The following DYM variants were observed in gnomAD, a reference collection of about 807,000 sequenced individuals.
DYM encodes the protein dyggve-Melchior-Clausen syndrome protein.
DYM carries 78 observed loss-of-function variants against 93.1 expected under a neutral mutation model. That is an observed-to-expected ratio of 0.84 (90% CI 0.70 to 1.01). DYM has a LOEUF of 1.01. DYM is among the 50% of genes least tolerant of loss of function. The pLI is 0.00. For synonymous variants in DYM, 321 were observed against 319.7 expected (o/e 1.00, Z -0.04); for missense variants, 789 against 845.0 (o/e 0.93, Z 0.82).
chr18:49,135,134 C>T (rs146585162), intron 15 of DYM, among the ~76,000 whole-genome samples: 3 of 151,872 alleles, frequency 2.0e-5, no homozygotes, highest in Non-Finnish European at 4.4e-5. Flanking sequence ...ATAAAAAAAC[C>T]ACTTCTCTCC....
intron 15 of DYM, among the ~76,000 whole-genome samples, chr18:49,146,870 A>C (rs2085209698): frequency 6.6e-6 from 1 of 152,114 alleles, no homozygotes; most frequent in Non-Finnish European, 1.5e-5. Flanking sequence ...GGAACCAAAA[A>C]AGAGCCCGCA....
At chr18:49,457,655 T>C (rs1166078013) in intron 1 of DYM, among the ~76,000 whole-genome samples, 1 of 152,114 alleles carries the variant, frequency 6.6e-6, no homozygotes, top group African/African-American at 2.4e-5. Context: ...CAAAATACAC[T>C]GTGGTAGGTA....
intron 13 of DYM, among the ~76,000 whole-genome samples, chr18:49,252,145 G>C (rs1156945343): frequency 7.1e-6 from 1 of 141,622 alleles, no homozygotes; most frequent in East Asian, 2.2e-4. Context: ...TTGAACCTGG[G>C]AGGTGGAGGT....
rs1209547513 is a variant in DYM at position 49,453,189 on chromosome 18, T to C, written c.-54+7209A>G. On this transcript the variant is annotated intron_variant, in intron 1 of 17. Transcript: ENST00000675505. The stretch of plus-strand genomic sequence containing the variant: ...ATCAGTACTCTGTATCTAGCTAATC[T>C]AGGGGGGACTTGGAGAACTTTTGTG... Among the ~76,000 whole-genome samples the C allele has an allele frequency of 5.1e-5, 4 of 79,188 alleles. 1 individual carries two copies. 52.0% of individuals were successfully genotyped at this position (79,188 alleles called of 152,430 possible). A position where few individuals can be genotyped will look rare whatever the true frequency, so the allele number is the denominator to read the frequency against.
intron 14 of DYM, among the ~76,000 whole-genome samples, chr18:49,199,049 T>TA (rs974751812): frequency 5.3e-5 from 8 of 152,136 alleles, no homozygotes; most frequent in Non-Finnish European, 1.0e-4. Flanking sequence ...TATGTGGCCA[T>TA]AAAAAAGGAT....
chr18:49,422,462 T>G (rs1172919042), intron 2 of DYM, among the ~76,000 whole-genome samples: 1 of 152,124 alleles, frequency 6.6e-6, no homozygotes, highest in Non-Finnish European at 1.5e-5. Flanking sequence ...GTAAAGACCA[T>G]CGAGGCTAGG....
intron 9 of DYM, among the ~76,000 whole-genome samples, chr18:49,282,572 C>T (rs2095017143): frequency 6.6e-6 from 1 of 152,228 alleles, no homozygotes; most frequent in African/African-American, 2.4e-5. Flanking sequence ...GAGCTCACGC[C>T]ACTGCACTTC....
chr18:49,163,086 C>T (rs2087384479), intron 15 of DYM, among the ~76,000 whole-genome samples: 1 of 152,092 alleles, frequency 6.6e-6, no homozygotes, highest in African/African-American at 2.4e-5. Context: ...ATCATCCCTG[C>T]TTTTGTTTTT....
At chr18:49,264,063 C>T (rs1366297040) in intron 11 of DYM, among the ~76,000 whole-genome samples, 1 of 151,120 alleles carries the variant, frequency 6.6e-6, no homozygotes, top group African/African-American at 2.4e-5. Context: ...AACCTGCCTC[C>T]CCAGAGGCAG....
chr18:49,345,041 T>C (rs180837065), intron 6 of DYM, among the ~76,000 whole-genome samples: 112 of 152,290 alleles, frequency 7.4e-4, no homozygotes, highest in Middle Eastern at 6.8e-3. Flanking sequence ...TTCAAGTATT[T>C]AAAACAGGAT....
intron 15 of DYM, among the ~76,000 whole-genome samples, chr18:49,161,573 G>C (rs1464042976): frequency 6.6e-6 from 1 of 152,142 alleles, no homozygotes; most frequent in Admixed American, 6.5e-5. Flanking sequence ...TTTCTAAACA[G>C]TTACTAGATA....
chr18:49,149,303 A>G (rs1457162344), intron 15 of DYM, among the ~76,000 whole-genome samples: 1 of 151,994 alleles, frequency 6.6e-6, no homozygotes, highest in African/African-American at 2.4e-5. Flanking sequence ...CAGCCCATGG[A>G]CCATACTGGT....
chr18:49,305,217 T>C (rs929951158), intron 8 of DYM, among the ~76,000 whole-genome samples: 1 of 152,160 alleles, frequency 6.6e-6, no homozygotes, highest in Non-Finnish European at 1.5e-5. Context: ...CCTCCATATT[T>C]GCCTGGCAAA....
intron 1 of DYM, among the ~76,000 whole-genome samples, chr18:49,454,682 G>A (rs868036421): frequency 6.6e-6 from 1 of 151,672 alleles, no homozygotes; most frequent in Non-Finnish European, 1.5e-5. Flanking sequence ...GGTGGATCAC[G>A]AGGTCAGGAG....
chr18:49,181,941 G>A (rs555829330), intron 14 of DYM, among the ~76,000 whole-genome samples: 2 of 152,010 alleles, frequency 1.3e-5, no homozygotes, highest in South Asian at 4.2e-4. Context: ...GGCATTTCAG[G>A]CTATACCTTC....
At chr18:49,237,864 C>T (rs565735477) in intron 13 of DYM, among the ~76,000 whole-genome samples, 2 of 151,134 alleles carry the variant, frequency 1.3e-5, no homozygotes, top group Non-Finnish European at 2.9e-5. Flanking sequence ...GTATTTTTCA[C>T]GTAATATATC....
chr18:49,352,137 G>A (rs551003673), intron 6 of DYM, among the ~76,000 whole-genome samples: 4 of 152,288 alleles, frequency 2.6e-5, no homozygotes, highest in East Asian at 3.9e-4. Context: ...TATGTGATAC[G>A]ATACAATTTG....
intron 14 of DYM, among the ~76,000 whole-genome samples, chr18:49,207,883 G>C (rs1225266328): frequency 6.6e-6 from 1 of 152,028 alleles, no homozygotes; most frequent in Non-Finnish European, 1.5e-5. Context: ...TGATACACTA[G>C]TAAATAAGAG....
At chr18:49,372,525 C>T (rs1397731364) in intron 5 of DYM, among the ~76,000 whole-genome samples, 2 of 152,132 alleles carry the variant, frequency 1.3e-5, no homozygotes, top group Non-Finnish European at 1.5e-5. Flanking sequence ...GGCAGATCAC[C>T]TGAGGTCAGG....
Sources: gnomAD v4.1 joint callset for allele counts (sites outside exome capture counted in the v4.1 genomes callset) on GRCh38, gnomAD v4.1.1 for gene constraint, MANE v1.5 for transcripts, NCBI Gene and HGNC (gene_info 2026-07-23, HGNC 2026-07-21) for gene names.